The following SNX29 variants were observed in gnomAD, a reference collection of about 807,000 sequenced individuals.
SNX29 encodes the protein sorting nexin 29, also known as sorting nexin-29.
SNX29 carries 78 observed loss-of-function variants against 102.1 expected under a neutral mutation model. The ratio of observed to expected loss-of-function variants is 0.76; its 90% confidence interval spans 0.64 to 0.92. SNX29 has a LOEUF of 0.92. Among genes scored for constraint, SNX29 ranks in the 40% least tolerant of loss-of-function variants. The probability of loss-of-function intolerance (pLI) is 0.00; values close to 1 mark genes in which losing one functional copy is unlikely to be tolerated. For missense variants in SNX29, 1,280 were observed against 1,061.7 expected (o/e 1.21, Z -2.86); for synonymous variants, 580 against 414.5 (o/e 1.40, Z -4.85).
chr16:12,400,353 C>T (rs1452313787), intron 17 of SNX29, among the ~76,000 whole-genome samples: 1 of 152,220 alleles, frequency 6.6e-6, no homozygotes, highest in East Asian at 1.9e-4. Context: ...CACTTGTACA[C>T]AGCATTGCCT....
intron 20 of SNX29, among the ~76,000 whole-genome samples, chr16:12,562,938 A>C (rs1370485478): frequency 6.6e-6 from 1 of 152,212 alleles, no homozygotes; most frequent in Non-Finnish European, 1.5e-5. Context: ...AAACCTGCAT[A>C]GTAAGAAGCA....
At chr16:12,089,167 A>G (rs2052380021) in intron 11 of SNX29, among the ~76,000 whole-genome samples, 1 of 151,378 alleles carries the variant, frequency 6.6e-6, no homozygotes, top group South Asian at 2.1e-4. Flanking sequence ...AAAGAAAGAA[A>G]GAAAGAAAAA....
chr16:12,557,435 C>G (rs1039078079), intron 20 of SNX29: 1 of 152,198 alleles, frequency 6.6e-6, no homozygotes, highest in African/African-American at 2.4e-5. Flanking sequence ...GATGTTGGCT[C>G]ACTGCAACCT....
intron 3 of SNX29, among the ~76,000 whole-genome samples, chr16:12,022,131 A>T (rs1335013912): frequency 7.6e-6 from 1 of 132,112 alleles, no homozygotes; most frequent in African/African-American, 2.9e-5. Context: ...ATTGAGGTCT[A>T]GTTTATATAC....
At chr16:12,101,295 C>T (rs1242454757) in intron 11 of SNX29, among the ~76,000 whole-genome samples, 2 of 97,260 alleles carry the variant, frequency 2.1e-5, no homozygotes, top group Non-Finnish European at 3.7e-5. Flanking sequence ...TTGTGGCCCC[C>T]CCCAACTTTT....
At chr16:12,177,281 G>C (rs2076281854) in intron 13 of SNX29, among the ~76,000 whole-genome samples, 2 of 152,146 alleles carry the variant, frequency 1.3e-5, no homozygotes, top group African/African-American at 4.8e-5. Context: ...TTTTACTTCT[G>C]TGTCGGTGTG....
At chr16:12,557,022 C>T (rs980373117) in intron 20 of SNX29, among the ~76,000 whole-genome samples, 1 of 48,610 alleles carries the variant, frequency 2.1e-5, no homozygotes, top group Admixed American at 1.7e-4. Flanking sequence ...TTTACCCCCC[C>T]CCCGCCCCAA....
At chr16:12,512,180 C>G (rs2089650155) in intron 19 of SNX29, among the ~76,000 whole-genome samples, 1 of 150,916 alleles carries the variant, frequency 6.6e-6, no homozygotes, top group Non-Finnish European at 1.5e-5. Context: ...GCATTGGCCC[C>G]TAAGATTAAG....
chr16:12,369,816 A>G (rs1404088588), intron 16 of SNX29, among the ~76,000 whole-genome samples: 1 of 152,214 alleles, frequency 6.6e-6, no homozygotes, highest in Non-Finnish European at 1.5e-5. Context: ...AATTTAATAT[A>G]TTTATTTCCC....
At chr16:12,444,210 C>A (rs1298781523) in intron 18 of SNX29, among the ~76,000 whole-genome samples, 3 of 151,894 alleles carry the variant, frequency 2.0e-5, no homozygotes, top group Non-Finnish European at 4.4e-5. Flanking sequence ...AGTAAGCACT[C>A]AGTATAGCCC....
intron 14 of SNX29, among the ~76,000 whole-genome samples, chr16:12,270,442 A>C (rs940041606): frequency 6.6e-6 from 1 of 152,116 alleles, no homozygotes; most frequent in Non-Finnish European, 1.5e-5. Context: ...TTTTACTCCC[A>C]AGGCAAATTG....
chr16:12,559,196 G>A (rs184662273), intron 20 of SNX29, among the ~76,000 whole-genome samples: 1 of 152,000 alleles, frequency 6.6e-6, no homozygotes, highest in African/African-American at 2.4e-5. Flanking sequence ...CTACACAGTG[G>A]GTGAGCAGCG....
At position 12,568,848 on chromosome 16, in the gene SNX29, A is replaced by G. The variant is rs898763641; in HGVS notation, c.*219A>G. On this transcript the variant is annotated 3_prime_UTR_variant, in exon 21 of 21. Coordinates refer to ENST00000566228, the MANE Select transcript of SNX29 (RefSeq NM_032167.5). ...AGACCAAGGCAGCACCTCGCTGGAG[A>G]GACTGGGACACACAGTCCTTCTGCT... is the stretch of plus-strand genomic sequence containing the variant. 1 of 670,578 alleles carries G rather than the reference A, an allele frequency of 1.5e-6. No homozygotes were observed. The highest frequency in any genetic ancestry group is 2.4e-6 in the Non-Finnish European group (1 of 413,042). The allele number at this position is 670,578 out of a possible 1,614,324, so 41.5% of individuals were successfully genotyped here.
intron 4 of SNX29, among the ~76,000 whole-genome samples, chr16:12,034,663 G>T (rs1291967675): frequency 6.6e-6 from 1 of 152,144 alleles, no homozygotes; most frequent in Admixed American, 6.5e-5. Context: ...AGATCTAGTG[G>T]AGCTGGACTG....
intron 13 of SNX29, among the ~76,000 whole-genome samples, chr16:12,181,339 A>G (rs2076379663): frequency 1.3e-5 from 2 of 152,212 alleles, no homozygotes; most frequent in African/African-American, 2.4e-5. Context: ...TGAGGCATCA[A>G]TCAACATATG....
chr16:12,048,254 C>T, intron 6 of SNX29, 118 bp from the exon 7 acceptor site: 2 of 1,445,714 alleles, frequency 1.4e-6, no homozygotes, highest in East Asian at 2.3e-5. Context: ...TATTTTTATA[C>T]CTATTTAAGA....
intron 11 of SNX29, among the ~76,000 whole-genome samples, chr16:12,097,066 C>T (rs936097650): frequency 2.0e-5 from 3 of 152,150 alleles, no homozygotes; most frequent in Non-Finnish European, 2.9e-5. Context: ...CCTCTGGTTC[C>T]GTCACTAAGC....
chr16:12,513,524 T>C (rs28570134), intron 19 of SNX29, among the ~76,000 whole-genome samples: 22,397 of 152,038 alleles, frequency 0.15, 1,736 homozygotes, highest in African/African-American at 0.17. Context: ...TCCCCTCTTC[T>C]GTCCATGCCT....
At chr16:12,153,628 C>T (rs2055400429) in intron 13 of SNX29, among the ~76,000 whole-genome samples, 1 of 150,344 alleles carries the variant, frequency 6.7e-6, no homozygotes, top group African/African-American at 2.4e-5. Flanking sequence ...CGTGCACCAC[C>T]ACACCTGGCT....
Sources: allele counts gnomAD v4.1 joint callset (sites outside exome capture counted in the v4.1 genomes callset), GRCh38; gene constraint gnomAD v4.1.1; transcripts MANE v1.5; gene names NCBI Gene and HGNC (gene_info 2026-07-23, HGNC 2026-07-21).